The following RYR2 variants were observed in gnomAD, a reference collection of about 807,000 sequenced individuals.
RYR2 encodes ryanodine receptor 2, also known as cardiac muscle ryanodine receptor-calcium release channel.
A neutral mutation model predicts 601.1 loss-of-function variants in RYR2; 227 were observed. The observed-to-expected ratio is 0.38, with a 90% CI of 0.34 to 0.42. The LOEUF (loss-of-function observed/expected upper bound fraction) is 0.42. RYR2 is among the 10% of genes least tolerant of loss of function. RYR2 has a pLI of 1.00. For missense variants in RYR2, 4,646 were observed against 6,156.5 expected (o/e 0.75, Z 8.21); for synonymous variants, 2,223 against 2,175.1 (o/e 1.02, Z -0.61).
intron 2 of RYR2, among the ~76,000 whole-genome samples, chr1:237,328,384 A>G (rs112757411): frequency 0.011 from 1,676 of 152,188 alleles, 19 homozygotes; most frequent in Middle Eastern, 0.034. Context: ...CCAGAGTAGA[A>G]GAGAGTCCTT....
chr1:237,643,453 G>A lies in RYR2; in HGVS notation c.7342+6G>A, dbSNP rs2148758542. On this transcript the variant is annotated splice_donor_region_variant and intron_variant, in intron 48 of 104. Coordinates refer to ENST00000366574, the MANE Select transcript of RYR2 (RefSeq NM_001035.3). ...GATGCCAACAATAGCCAAAGGTAAGGCCAACTTCAATTTGTCCTAATTCAG... is the reference window on the plus strand; with the variant it reads ...GATGCCAACAATAGCCAAAGGTAAGACCAACTTCAATTTGTCCTAATTCAG... 1.2e-6 allele frequency: 2 copies of A among 1,613,694 alleles called. No homozygotes were observed. The highest frequency in any genetic ancestry group is 1.6e-4 in the Middle Eastern group (1 of 6,062).
intron 6 of RYR2, among the ~76,000 whole-genome samples, chr1:237,371,147 G>A (rs16835184): frequency 0.046 from 6,886 of 150,680 alleles, 370 homozygotes; most frequent in African/African-American, 0.12. Context: ...ATGTTACTAC[G>A]TTACCAAATT....
intron 79 of RYR2, among the ~76,000 whole-genome samples, chr1:237,737,644 C>T (rs1691265305): frequency 2.0e-5 from 3 of 152,200 alleles, no homozygotes; most frequent in Non-Finnish European, 4.4e-5. Flanking sequence ...ACATTTGATT[C>T]TGTCATACAC....
At chr1:237,805,291 GTA>G (rs1660488305) in intron 98 of RYR2, among the ~76,000 whole-genome samples, 1 of 152,016 alleles carries the variant, frequency 6.6e-6, no homozygotes, top group African/African-American at 2.4e-5. Flanking sequence ...TTGTAAAAAT[GTA>G]TAGTGAGCCA....
chr1:237,730,417 C>G, intron 77 of RYR2, 61 bp downstream of exon 77: 2 of 870,856 alleles, frequency 2.3e-6, no homozygotes, highest in South Asian at 2.8e-5. Flanking sequence ...GCAATGTTGG[C>G]GTGAGCAGTC....
At chr1:237,133,201 G>C (rs984449718) in intron 1 of RYR2, among the ~76,000 whole-genome samples, 1 of 152,098 alleles carries the variant, frequency 6.6e-6, no homozygotes, top group Non-Finnish European at 1.5e-5. Context: ...AATTGGGGCT[G>C]TGGGGGCTGT....
chr1:237,395,489 A>G (rs188924094), intron 10 of RYR2, among the ~76,000 whole-genome samples: 2 of 150,874 alleles, frequency 1.3e-5, no homozygotes, highest in Non-Finnish European at 3.0e-5. Flanking sequence ...TCATACACGA[A>G]CACAACCAAA....
At chr1:237,476,437 G>A (rs1335384386) in intron 17 of RYR2, among the ~76,000 whole-genome samples, 1 of 147,408 alleles carries the variant, frequency 6.8e-6, no homozygotes, top group Non-Finnish European at 1.5e-5. Context: ...TTGAACCTGG[G>A]AGGTGGAGGT....
chr1:237,171,178 G>A (rs1242702841), intron 1 of RYR2, among the ~76,000 whole-genome samples: 2 of 149,794 alleles, frequency 1.3e-5, no homozygotes, highest in African/African-American at 2.5e-5. Flanking sequence ...AGCTTGCAGT[G>A]AGCCGAGATT....
intron 1 of RYR2, among the ~76,000 whole-genome samples, chr1:237,253,563 T>C (rs981632791): frequency 6.6e-6 from 1 of 152,260 alleles, no homozygotes; most frequent in Non-Finnish European, 1.5e-5. Flanking sequence ...TTGCTTCATG[T>C]GCAAGCTAAC....
At chr1:237,688,955 T>C (rs565359239) in intron 63 of RYR2, among the ~76,000 whole-genome samples, 39 of 152,280 alleles carry the variant, frequency 2.6e-4, no homozygotes, top group African/African-American at 9.1e-4. Flanking sequence ...ATTCCATACC[T>C]GAACTACAAA....
intron 3 of RYR2, among the ~76,000 whole-genome samples, chr1:237,344,119 G>A (rs889803493): frequency 6.6e-6 from 1 of 152,188 alleles, no homozygotes; most frequent in African/African-American, 2.4e-5. Flanking sequence ...CACCACGCCT[G>A]GCCCCCATAA....
intron 44 of RYR2, among the ~76,000 whole-genome samples, chr1:237,637,077 C>T (rs1197724162): frequency 1.3e-5 from 2 of 152,140 alleles, no homozygotes; most frequent in Non-Finnish European, 1.5e-5. Flanking sequence ...TGAGGAGTGA[C>T]GGCCATGTTC....
intron 27 of RYR2, among the ~76,000 whole-genome samples, chr1:237,557,346 C>T (rs1465745509): frequency 6.6e-6 from 1 of 152,150 alleles, no homozygotes; most frequent in Non-Finnish European, 1.5e-5. Context: ...TGGAGGTGTA[C>T]TCAAGTATTT....
intron 35 of RYR2, among the ~76,000 whole-genome samples, chr1:237,603,625 A>G (rs1676763911): frequency 6.6e-6 from 1 of 152,224 alleles, no homozygotes; most frequent in Non-Finnish European, 1.5e-5. Context: ...TAAAAAACAC[A>G]GACTGGCAAA....
chr1:237,703,534 T>C (rs941981280), intron 66 of RYR2, among the ~76,000 whole-genome samples: 4 of 149,600 alleles, frequency 2.7e-5, no homozygotes, highest in Non-Finnish European at 5.9e-5. Flanking sequence ...ATTTCTCCTG[T>C]TTTTGTGAGT....
intron 1 of RYR2, among the ~76,000 whole-genome samples, chr1:237,185,206 C>A (rs1300007715): frequency 6.6e-6 from 1 of 151,964 alleles, no homozygotes; most frequent in African/African-American, 2.4e-5. Flanking sequence ...CACTATGTTG[C>A]CCAGGCTGGT....
chr1:237,138,827 A>G (rs1194067787), intron 1 of RYR2, among the ~76,000 whole-genome samples: 2 of 152,208 alleles, frequency 1.3e-5, no homozygotes, highest in Non-Finnish European at 2.9e-5. Context: ...TATTAGGGAA[A>G]TGCAAACTCA....
intron 3 of RYR2, among the ~76,000 whole-genome samples, chr1:237,351,854 C>CAAAAAAAAAAAAAAAAAAAAAAAAAAAA (rs33955032): frequency 4.9e-5 from 2 of 40,930 alleles, no homozygotes; most frequent in Non-Finnish European, 4.7e-5. Context: ...AAAGACCATG[C>CAAAAAAAAAAAAAAAAAAAAAAAAAAAA]AAAAAAAAAA....
Sources: allele counts gnomAD v4.1 joint callset (sites outside exome capture counted in the v4.1 genomes callset), GRCh38; gene constraint gnomAD v4.1.1; transcripts MANE v1.5; gene names NCBI Gene and HGNC (gene_info 2026-07-23, HGNC 2026-07-21).